The following EFNA5 variants were observed in gnomAD, a reference collection of about 807,000 sequenced individuals.
EFNA5 encodes the protein ephrin-A5.
In EFNA5, 5 loss-of-function variants were observed where a neutral mutation model predicts 22.9. The ratio of observed to expected loss-of-function variants is 0.22; its 90% CI spans 0.11 to 0.46. EFNA5 has a LOEUF of 0.46. EFNA5 is among the 20% of genes least tolerant of loss of function. The probability of loss-of-function intolerance (pLI) is 0.99; values close to 1 mark genes in which losing one functional copy is unlikely to be tolerated. For synonymous variants in EFNA5, 113 were observed against 112.2 expected (o/e 1.01, Z -0.04); for missense variants, 237 against 293.3 (o/e 0.81, Z 1.40).
chr5:107,579,284 T>C (rs1240254443), intron 1 of EFNA5, among the ~76,000 whole-genome samples: 2 of 152,206 alleles, frequency 1.3e-5, no homozygotes, highest in Non-Finnish European at 2.9e-5. Context: ...CTGTGTGACA[T>C]GGAGCCAGGT....
rs761975926 is a variant in EFNA5 at position 107,427,245 on chromosome 5, G to A, written c.390C>T (p.Phe130=). The A allele has an allele frequency of 1.9e-6, 3 of 1,613,974 alleles. No individual in the cohort carries two copies. The highest frequency in any genetic ancestry group is 2.5e-6 in the Non-Finnish European group (3 of 1,180,002). The change falls in exon 2 of 5, where the codon TTC becomes TTT. Residue 130 remains phenylalanine (F), a synonymous_variant. Transcript: ENST00000333274. ...LFTPFSLGFE[F]RPGREYFYIS... ...TGTAGAAATATTCTCGGCCTGGCCT[G>A]AATTCAAATCCTAGAGAAAAGGGAG...
chr5:107,591,958 AAT>A (rs1749358684), intron 1 of EFNA5, among the ~76,000 whole-genome samples: 1 of 12,010 alleles, frequency 8.3e-5, no homozygotes, highest in African/African-American at 4.6e-4. Flanking sequence ...TATAATATAT[AAT>A]ATATATAATA....
At chr5:107,434,489 T>C (rs1388895736) in intron 1 of EFNA5, among the ~76,000 whole-genome samples, 3 of 152,192 alleles carry the variant, frequency 2.0e-5, no homozygotes, top group Admixed American at 6.5e-5. Context: ...TTTCATTCCA[T>C]CCTCATTTGC....
chr5:107,467,276 A>G (rs374959329), intron 1 of EFNA5, among the ~76,000 whole-genome samples: 4 of 152,252 alleles, frequency 2.6e-5, no homozygotes, highest in East Asian at 3.9e-4. Flanking sequence ...GCATTAACAA[A>G]CAATGAATGA....
At chr5:107,395,735 A>T (rs981932747) in intron 2 of EFNA5, among the ~76,000 whole-genome samples, 1 of 152,196 alleles carries the variant, frequency 6.6e-6, no homozygotes, top group East Asian at 1.9e-4. Context: ...TTACTGTACT[A>T]GAGAGGTATT....
At chr5:107,482,800 CTCTCTCTCTCTCTG>C (rs1171126046) in intron 1 of EFNA5, among the ~76,000 whole-genome samples, 1 of 98,748 alleles carries the variant, frequency 1.0e-5, no homozygotes, top group Admixed American at 1.1e-4. Flanking sequence ...TGGCTGCTCT[CTCTCTCTCTCTCTG>C]TCTCTCTCTC....
At chr5:107,455,395 G>A (rs1009161108) in intron 1 of EFNA5, among the ~76,000 whole-genome samples, 7 of 152,162 alleles carry the variant, frequency 4.6e-5, no homozygotes, top group African/African-American at 1.7e-4. Context: ...CATGTCAACA[G>A]TCTATTAGTG....
At chr5:107,436,568 C>G (rs1447502909) in intron 1 of EFNA5, among the ~76,000 whole-genome samples, 1 of 152,116 alleles carries the variant, frequency 6.6e-6, no homozygotes, top group Non-Finnish European at 1.5e-5. Context: ...CACGCTTTTC[C>G]TCTACTCCTG....
chr5:107,626,248 A>G (rs1445385615), intron 1 of EFNA5, among the ~76,000 whole-genome samples: 1 of 152,162 alleles, frequency 6.6e-6, no homozygotes, highest in Non-Finnish European at 1.5e-5. Flanking sequence ...AGCAAACAGA[A>G]TAGTACACAG....
rs539106069 is a variant in EFNA5, at chr5:107,452,597, G to C, written c.126-25088C>G. ...AAAAATTAGCCGGGGGTGGTGGTAT[G>C]TATCTGTAGTCCCAGCTACTTGGAA... On this transcript the variant is annotated intron_variant, in intron 1 of 4. Transcript: ENST00000333274. Among the ~76,000 whole-genome samples, 3 of 152,104 alleles carry C rather than the reference G, an allele frequency of 2.0e-5. No individual in the cohort carries two copies. The East Asian group carries it at 5.8e-4, about 29-fold the overall frequency.
chr5:107,581,956 C>A (rs2112495240), intron 1 of EFNA5, among the ~76,000 whole-genome samples: 1 of 152,232 alleles, frequency 6.6e-6, no homozygotes, highest in South Asian at 2.1e-4. Context: ...AAATCAGAGA[C>A]AGAAAGCACC....
chr5:107,662,143 A>G lies in EFNA5; in HGVS notation c.125+8346T>C, dbSNP rs982284542. 5.9e-5 allele frequency among the ~76,000 whole-genome samples: 9 copies of G among 152,236 alleles called. No individual in the cohort carries two copies. The South Asian group carries it at 1.9e-3, about 31-fold the overall frequency. ...GTTATTTTAGTCTTCTCACTAGCCA[A>G]AGAAAAACAGATGCTAGATATCAGA... On this transcript the variant is annotated intron_variant, in intron 1 of 4. Coordinates refer to ENST00000333274, the MANE Select transcript of EFNA5 (RefSeq NM_001962.3).
intron 1 of EFNA5, among the ~76,000 whole-genome samples, chr5:107,562,551 T>C (rs1166674791): frequency 1.3e-5 from 2 of 152,136 alleles, no homozygotes; most frequent in Non-Finnish European, 2.9e-5. Context: ...AATTGGTATG[T>C]TCTAGCTTGG....
intron 1 of EFNA5, among the ~76,000 whole-genome samples, chr5:107,487,485 A>C (rs1206714066): frequency 1.3e-5 from 2 of 152,262 alleles, no homozygotes; most frequent in African/African-American, 4.8e-5. Flanking sequence ...GAATGAATAA[A>C]GGAAAGAAGG....
intron 1 of EFNA5, among the ~76,000 whole-genome samples, chr5:107,566,031 C>T (rs1748660023): frequency 6.6e-6 from 1 of 152,184 alleles, no homozygotes; most frequent in Non-Finnish European, 1.5e-5. Context: ...TGACCCCCAA[C>T]CCTGTCTCAG....
chr5:107,387,043 A>G (rs1290860516), intron 4 of EFNA5, among the ~76,000 whole-genome samples, 192 bp downstream of exon 4: 3 of 152,226 alleles, frequency 2.0e-5, no homozygotes, highest in Non-Finnish European at 4.4e-5. Context: ...ATTTTATTTT[A>G]CCTAACATGC....
chr5:107,406,851 C>T (rs1748236547), intron 2 of EFNA5, among the ~76,000 whole-genome samples: 1 of 152,146 alleles, frequency 6.6e-6, no homozygotes, highest in Non-Finnish European at 1.5e-5. Flanking sequence ...TGAAAGACAA[C>T]ATCACCTCAA....
In EFNA5 at chr5:107,531,535, T is replaced by C. The variant is rs146910953; in HGVS notation, c.126-104026A>G. Among the ~76,000 whole-genome samples the C allele has an allele frequency of 3.8e-3, 582 of 152,292 alleles. 2 individuals carry two copies. The highest frequency in any genetic ancestry group is 6.5e-3 in the Non-Finnish European group (439 of 68,008). On this transcript the variant is annotated intron_variant, in intron 1 of 4. Transcript: ENST00000333274. ...AAGGGCTGTCATGCAGAATAGATCTTTCTCTGTGCCACCCTAGAGAACAGG... is the reference window on the plus strand; with the variant it reads ...AAGGGCTGTCATGCAGAATAGATCTCTCTCTGTGCCACCCTAGAGAACAGG...
intron 1 of EFNA5, among the ~76,000 whole-genome samples, chr5:107,616,819 A>G (rs1462002500): frequency 6.6e-6 from 1 of 152,230 alleles, no homozygotes; most frequent in Non-Finnish European, 1.5e-5. Flanking sequence ...TTTTTACTCA[A>G]CAAACAAAAA....
Sources: allele counts gnomAD v4.1 joint callset (sites outside exome capture counted in the v4.1 genomes callset), GRCh38; gene constraint gnomAD v4.1.1; transcripts MANE v1.5; gene names NCBI Gene and HGNC (gene_info 2026-07-23, HGNC 2026-07-21).